C16orf87: variants seen among roughly 807,000 people sequenced by gnomAD.
C16orf87 encodes HDAC and MIER1 interacting protein 1.
In C16orf87, 13 loss-of-function variants were observed where a neutral mutation model predicts 21.0. The observed-to-expected ratio is 0.62, with a 90% CI of 0.40 to 0.98. The LOEUF (loss-of-function observed/expected upper bound fraction) is 0.98. C16orf87 is among the 50% of genes least tolerant of loss of function. C16orf87 has a pLI of 0.00. For synonymous variants in C16orf87, 49 were observed against 60.2 expected (o/e 0.81, Z 0.86); for missense variants, 113 against 180.4 (o/e 0.63, Z 2.14).
intron 2 of C16orf87, among the ~76,000 whole-genome samples, chr16:46,821,538 C>G (rs879457438): frequency 2.6e-5 from 4 of 152,140 alleles, no homozygotes; most frequent in African/African-American, 7.2e-5. Flanking sequence ...GTCAAAAGAC[C>G]ACTCTTACTA....
intron 3 of C16orf87, among the ~76,000 whole-genome samples, chr16:46,804,514 T>C (rs1967866944): frequency 6.6e-6 from 1 of 152,242 alleles, no homozygotes; most frequent in Non-Finnish European, 1.5e-5. Context: ...TATAGACTTG[T>C]AGGTTTCCGC....
Position 46,809,649 on chromosome 16 carries a change from T to C in C16orf87, c.300A>G (p.Arg100=). 3 of 1,613,170 alleles carry C rather than the reference T, an allele frequency of 1.9e-6. No individual in the cohort carries two copies. The highest frequency in any genetic ancestry group is 2.5e-6 in the Non-Finnish European group (3 of 1,179,484). Residue 100 remains arginine (R), a synonymous_variant, in exon 3 of 4, where the codon AGA becomes AGG. Transcript: ENST00000285697. The part of the protein sequence containing the change: ...NSHSDHIRRG[R]GRPKSASAKK... ...TGGCAGATGCACTTTTAGGTCTTCCTCTTCCTCGTCTGATATGATCTGAAT... is the reference window on the plus strand; with the variant it reads ...TGGCAGATGCACTTTTAGGTCTTCCCCTTCCTCGTCTGATATGATCTGAAT...
chr16:46,806,896 A>G (rs1413514965), intron 3 of C16orf87, among the ~76,000 whole-genome samples: 3 of 152,166 alleles, frequency 2.0e-5, no homozygotes, highest in African/African-American at 7.2e-5. Context: ...GTTTTCCTTA[A>G]TTCATGGTTA....
At chr16:46,825,018 ATACCAT>A (rs1959561056) in intron 1 of C16orf87, among the ~76,000 whole-genome samples, 1 of 152,142 alleles carries the variant, frequency 6.6e-6, no homozygotes, top group Non-Finnish European at 1.5e-5. Context: ...TACCATACCA[ATACCAT>A]AAAAAATAAA....
At chr16:46,821,505 C>G (rs1343916627) in intron 2 of C16orf87, among the ~76,000 whole-genome samples, 1 of 152,158 alleles carries the variant, frequency 6.6e-6, no homozygotes, top group Non-Finnish European at 1.5e-5. Flanking sequence ...TTCTGGGCTT[C>G]AATGTTTCAT....
chr16:46,817,672 A>T (rs1209898514), intron 2 of C16orf87, among the ~76,000 whole-genome samples: 1 of 152,074 alleles, frequency 6.6e-6, no homozygotes, highest in African/African-American at 2.4e-5. Context: ...TGGGTGATGG[A>T]GCAAGACTCT....
rs186058782 is a variant in C16orf87, at chr16:46,828,928, T to C, written c.66+2156A>G. Among the ~76,000 whole-genome samples, 45 of 152,346 alleles carry C rather than the reference T, an allele frequency of 3.0e-4. 1 individual carries two copies. The highest frequency in any genetic ancestry group is 5.4e-4 in the Non-Finnish European group (37 of 68,040). On this transcript the variant is annotated intron_variant, in intron 1 of 3. Transcript: ENST00000285697. ...AAGTTTTAATTAGTCCTTATGTATG[T>C]TACATTCACTTAAGTATTTGGAATA...
At chr16:46,803,214 TAA>T in intron 3 of C16orf87, 144 bp from the exon 4 acceptor site, 3 of 430,582 alleles carry the variant, frequency 7.0e-6, no homozygotes, top group Non-Finnish European at 1.2e-5. Context: ...GCTACTGAAC[TAA>T]AAAGTTTTTT....
Position 46,802,879 on chromosome 16 carries a change from G to T in C16orf87, c.*73C>A. 1.3e-6 allele frequency: 1 copy of T among 754,464 alleles called. No individual in the cohort carries two copies. The highest frequency in any genetic ancestry group is 1.5e-5 in the South Asian group (1 of 65,364). 46.7% of individuals were successfully genotyped at this position (754,464 alleles called of 1,614,324 possible). ...TTATTGATGCAGTCAGAATGCTCCTGAGAGTCCATAACTGTTTGAGAATTT... is the reference window on the plus strand; with the variant it reads ...TTATTGATGCAGTCAGAATGCTCCTTAGAGTCCATAACTGTTTGAGAATTT... On this transcript the variant is annotated 3_prime_UTR_variant, in exon 4 of 4. Coordinates refer to ENST00000285697, the MANE Select transcript of C16orf87 (RefSeq NM_001001436.4).
Position 46,802,941 on chromosome 16 carries a change from G to C in C16orf87, c.*11C>G. On this transcript the variant is annotated 3_prime_UTR_variant, in exon 4 of 4. Coordinates refer to ENST00000285697, the MANE Select transcript of C16orf87 (RefSeq NM_001001436.4). ...CCTGACAGAAGTTTCAGCAGATTTT[G>C]CAAACAAGTATCAGAGAATAAGTCT... 1 of 1,274,116 alleles carries C rather than the reference G, an allele frequency of 7.8e-7. No homozygotes were observed. The highest frequency in any genetic ancestry group is 1.5e-5 in the African/African-American group (1 of 68,072). 78.9% of individuals were successfully genotyped at this position (1,274,116 alleles called of 1,614,324 possible). A position where few individuals can be genotyped will look rare whatever the true frequency, so the allele number is the denominator to read the frequency against.
rs545503111 is a variant in C16orf87, at chr16:46,819,942, C to T, written c.163+4444G>A. Among the ~76,000 whole-genome samples the T allele has an allele frequency of 4.0e-5, 6 of 151,774 alleles. No individual in the cohort carries two copies. The East Asian group carries it at 9.8e-4, about 25-fold the overall frequency. On this transcript the variant is annotated intron_variant, in intron 2 of 3. Transcript: ENST00000285697. ...AGGTTGTGGTGAGCCAATATTGTGC[C>T]ATTGCACTCCAGCCTGGGAAACAAG... is the stretch of plus-strand genomic sequence containing the variant.
At chr16:46,810,675 TTAAAAG>T (rs1379588843) in intron 2 of C16orf87, among the ~76,000 whole-genome samples, 2 of 151,952 alleles carry the variant, frequency 1.3e-5, no homozygotes, top group African/African-American at 4.8e-5. Context: ...TGTAAAAAAA[TTAAAAG>T]TAAAATAGTA....
intron 3 of C16orf87, among the ~76,000 whole-genome samples, chr16:46,807,694 T>C (rs1967970718): frequency 6.6e-6 from 1 of 152,210 alleles, no homozygotes; most frequent in Non-Finnish European, 1.5e-5. Flanking sequence ...AGATTCCAGT[T>C]TGTGCTACAA....
intron 2 of C16orf87, among the ~76,000 whole-genome samples, chr16:46,811,138 A>G (rs1262715593): frequency 1.3e-5 from 2 of 152,220 alleles, no homozygotes; most frequent in African/African-American, 2.4e-5. Context: ...GAATCAGAGT[A>G]TCAACATTTT....
At chr16:46,808,262 A>C in intron 3 of C16orf87, 1 of 360,970 alleles carries the variant, frequency 2.8e-6, no homozygotes, top group Non-Finnish European at 5.4e-6. Context: ...CCTAGAATAC[A>C]GTCAAAACCG....
intron 3 of C16orf87, among the ~76,000 whole-genome samples, chr16:46,804,254 G>C (rs564124344): frequency 2.0e-4 from 30 of 152,268 alleles, no homozygotes; most frequent in Non-Finnish European, 4.0e-4. Context: ...TTGCTCTCTA[G>C]GCCTACTGCA....
At chr16:46,803,688 T>C (rs1967841196) in intron 3 of C16orf87, among the ~76,000 whole-genome samples, 1 of 151,946 alleles carries the variant, frequency 6.6e-6, no homozygotes, top group Non-Finnish European at 1.5e-5. Context: ...TAAATGCATA[T>C]AATTTACAAT....
At chr16:46,811,227 G>A (rs998074160) in intron 2 of C16orf87, among the ~76,000 whole-genome samples, 1 of 152,116 alleles carries the variant, frequency 6.6e-6, no homozygotes, top group African/African-American at 2.4e-5. Flanking sequence ...AAGCAGGCCA[G>A]GCGCGGTGGC....
chr16:46,826,796 T>C (rs1959638468), intron 1 of C16orf87, among the ~76,000 whole-genome samples: 1 of 152,214 alleles, frequency 6.6e-6, no homozygotes, highest in Admixed American at 6.5e-5. Context: ...CCTTTACACC[T>C]AAACATATTA....
Sources: gnomAD v4.1 joint callset for allele counts (sites outside exome capture counted in the v4.1 genomes callset) on GRCh38, gnomAD v4.1.1 for gene constraint, MANE v1.5 for transcripts, NCBI Gene and HGNC (gene_info 2026-07-23, HGNC 2026-07-21) for gene names.